Variants in BIRC6 observed in about 807,000 individuals in gnomAD.
BIRC6 encodes the protein dual E2 ubiquitin-conjugating enzyme/E3 ubiquitin-protein ligase BIRC6.
A neutral mutation model predicts 503.3 loss-of-function variants in BIRC6; 98 were observed. The observed-to-expected ratio is 0.19, with a 90% CI of 0.17 to 0.23. The LOEUF (loss-of-function observed/expected upper bound fraction) is 0.23, where lower values mean the gene tolerates loss of function less well. BIRC6 is among the 10% of genes least tolerant of loss of function. The pLI is 1.00. For missense variants in BIRC6, 5,360 were observed against 5,806.0 expected, an observed-to-expected ratio of 0.92 and a Z score of 2.50; for synonymous variants, 2,240 against 2,078.7, an observed-to-expected ratio of 1.08 and a Z score of -2.11.
chr2:32,399,730 T>C (rs1189488916), intron 6 of BIRC6, among the ~76,000 whole-genome samples: 1 of 152,158 alleles, frequency 6.6e-6, no homozygotes, highest in African/African-American at 2.4e-5. Flanking sequence ...TTAAAGTCAT[T>C]ATACCAGTCT....
chr2:32,525,044 T>C, intron 58 of BIRC6, 25 bp downstream of exon 58: 1 of 1,457,802 alleles, frequency 6.9e-7, no homozygotes, highest in Middle Eastern at 1.8e-4. Flanking sequence ...TTTTATAATC[T>C]TGATTTTGTT....
At chr2:32,395,678 A>C in intron 6 of BIRC6, 85 bp downstream of exon 6, 1 of 1,265,818 alleles carries the variant, frequency 7.9e-7, no homozygotes, top group South Asian at 1.3e-5. Flanking sequence ...CTTATGATAT[A>C]ATTTTTTGCC....
Position 32,576,241 on chromosome 2 carries a change from A to G in BIRC6, c.13355+875A>G, listed in dbSNP as rs1407534052. On this transcript the variant is annotated intron_variant, in intron 66 of 73. Coordinates refer to ENST00000421745, the MANE Select transcript of BIRC6 (RefSeq NM_016252.4). ...TATTTTAGAAGTCAAAGGATTCAGTATTTGATGGAATTAAAATAAGTCTTA... is the reference window on the plus strand; with the variant it reads ...TATTTTAGAAGTCAAAGGATTCAGTGTTTGATGGAATTAAAATAAGTCTTA... 2.6e-5 allele frequency among the ~76,000 whole-genome samples: 4 copies of G among 152,234 alleles called. No individual in the cohort carries two copies. The East Asian group carries it at 7.7e-4, about 29-fold the overall frequency.
At chr2:32,377,440 T>TG (rs746623528) in intron 1 of BIRC6, 148 bp from the exon 2 acceptor site, 135 of 489,110 alleles carry the variant, frequency 2.8e-4, no homozygotes, top group Non-Finnish European at 4.0e-4. Flanking sequence ...TTAATCCAGT[T>TG]GGCCCAATAA....
At chr2:32,472,993 TTAAAAC>T in intron 32 of BIRC6, 113 bp from the exon 33 acceptor site, 2 of 825,880 alleles carry the variant, frequency 2.4e-6, no homozygotes, top group Non-Finnish European at 3.7e-6. Context: ...GTTTTTCTTA[TTAAAAC>T]TGCTTTTCAT....
intron 66 of BIRC6, among the ~76,000 whole-genome samples, 153 bp from the exon 67 acceptor site, chr2:32,593,762 C>A (rs578081795): frequency 2.6e-5 from 4 of 152,254 alleles, no homozygotes; most frequent in Admixed American, 1.3e-4. Flanking sequence ...CTACCCATAA[C>A]TTTACTAGCC....
intron 73 of BIRC6, among the ~76,000 whole-genome samples, chr2:32,615,355 G>A (rs1200775167): frequency 6.6e-6 from 1 of 152,164 alleles, no homozygotes; most frequent in Non-Finnish European, 1.5e-5. Context: ...ACAGTGGAAG[G>A]AAAATCAAGG....
At chr2:32,542,132 A>T (rs988792732) in intron 61 of BIRC6, among the ~76,000 whole-genome samples, 2 of 151,488 alleles carry the variant, frequency 1.3e-5, no homozygotes, top group Non-Finnish European at 2.9e-5. Context: ...ATATATATAT[A>T]TTTACACATG....
chr2:32,377,560 A>G (rs372738035), intron 1 of BIRC6, 28 bp from the exon 2 acceptor site: 2 of 1,561,534 alleles, frequency 1.3e-6, no homozygotes, highest in Non-Finnish European at 1.7e-6. Flanking sequence ...TGAAAATCTT[A>G]AGTGTTGAAT....
At chr2:32,594,231 G>A in intron 67 of BIRC6, 171 bp downstream of exon 67, 3 of 608,274 alleles carry the variant, frequency 4.9e-6, no homozygotes, top group Non-Finnish European at 8.2e-6. Context: ...TTTCAATCAT[G>A]TATAGTCTAA....
intron 73 of BIRC6, among the ~76,000 whole-genome samples, chr2:32,615,664 C>T (rs777862510): frequency 6.6e-6 from 1 of 151,976 alleles, no homozygotes; most frequent in Non-Finnish European, 1.5e-5. Context: ...GATGGAGTCT[C>T]GCTCTGCTGC....
chr2:32,376,041 C>A (rs2036721604), intron 1 of BIRC6, among the ~76,000 whole-genome samples: 1 of 151,920 alleles, frequency 6.6e-6, no homozygotes, highest in Non-Finnish European at 1.5e-5. Context: ...AAAAAATTAG[C>A]CGGGTGAGGT....
At chr2:32,517,649 C>G (rs1002084591) in intron 55 of BIRC6, among the ~76,000 whole-genome samples, 3 of 152,118 alleles carry the variant, frequency 2.0e-5, no homozygotes, top group African/African-American at 7.2e-5. Context: ...AATCAGTGAG[C>G]CGTGGCTCAC....
At chr2:32,497,719 G>T (rs1227789995) in intron 45 of BIRC6, among the ~76,000 whole-genome samples, 10 of 151,850 alleles carry the variant, frequency 6.6e-5, no homozygotes, top group African/African-American at 1.2e-4. Context: ...GGTCATTCTG[G>T]CTAGAAGTTC....
At chr2:32,613,201 T>C (rs1363645230) in intron 73 of BIRC6, among the ~76,000 whole-genome samples, 2 of 151,674 alleles carry the variant, frequency 1.3e-5, no homozygotes, top group African/African-American at 4.8e-5. Context: ...GTTTGTTTGT[T>C]TGTTTGTTTG....
chr2:32,577,472 A>G lies in BIRC6; in HGVS notation c.13355+2106A>G, dbSNP rs193186874. ...GCCTTGATTAAAAACAGTATCACACATTTATAGTGTTACAAAGTGAAAATA... is the reference window on the plus strand; with the variant it reads ...GCCTTGATTAAAAACAGTATCACACGTTTATAGTGTTACAAAGTGAAAATA... On this transcript the variant is annotated intron_variant, in intron 66 of 73. Coordinates refer to ENST00000421745, the MANE Select transcript of BIRC6 (RefSeq NM_016252.4). Among the ~76,000 whole-genome samples, 534 of 152,308 alleles carry G rather than the reference A, an allele frequency of 3.5e-3. 3 individuals are homozygous for G. Among genetic ancestry groups the G allele is most frequent in the Non-Finnish European group, 5.5e-3 (375 of 67,988 alleles).
At chr2:32,380,632 A>T (rs751942628) in intron 3 of BIRC6, among the ~76,000 whole-genome samples, 1 of 152,128 alleles carries the variant, frequency 6.6e-6, no homozygotes, top group Non-Finnish European at 1.5e-5. Context: ...AGGCTGAGAC[A>T]TGAGAATCAC....
At chr2:32,376,180 G>A (rs1428608295) in intron 1 of BIRC6, among the ~76,000 whole-genome samples, 7 of 117,288 alleles carry the variant, frequency 6.0e-5, no homozygotes, top group Admixed American at 1.8e-4. Context: ...GGCAAGACTC[G>A]GTCTCAAAAA....
At chr2:32,485,474 A>G (rs2050885462) in intron 39 of BIRC6, among the ~76,000 whole-genome samples, 169 bp from the exon 40 acceptor site, 1 of 151,900 alleles carries the variant, frequency 6.6e-6, no homozygotes. Flanking sequence ...CCTCCTTTCC[A>G]CAGATATTCT....
Sources: allele counts gnomAD v4.1 joint callset (sites outside exome capture counted in the v4.1 genomes callset), GRCh38; gene constraint gnomAD v4.1.1; transcripts MANE v1.5; gene names NCBI Gene and HGNC (gene_info 2026-07-23, HGNC 2026-07-21).